NFIL3: variants seen among roughly 807,000 people sequenced by gnomAD.
NFIL3 encodes the protein nuclear factor, interleukin 3 regulated.
A neutral mutation model predicts 10.0 loss-of-function variants in NFIL3; 5 were observed. The observed-to-expected ratio is 0.50, with a 90% CI of 0.26 to 1.06. The LOEUF (loss-of-function observed/expected upper bound fraction) is 1.06, where lower values mean the gene tolerates loss of function less well. Ranked by LOEUF, NFIL3 falls within the 50% of genes least tolerant of loss-of-function variation. The pLI is 0.13. For missense variants in NFIL3, 436 were observed against 547.6 expected (o/e 0.80, Z 2.03); for synonymous variants, 202 against 206.5 (o/e 0.98, Z 0.19).
the NFIL3 span, among the ~76,000 whole-genome samples, chr9:91,450,287 T>C: frequency 2.0e-5 from 3 of 152,104 alleles, no homozygotes; most frequent in Non-Finnish European, 2.9e-5. Context: ...CCTCAAGATA[T>C]AAAGTTAGGC....
the NFIL3 span, among the ~76,000 whole-genome samples, chr9:91,437,629 T>C: frequency 6.6e-6 from 1 of 152,218 alleles, no homozygotes; most frequent in African/African-American, 2.4e-5. Flanking sequence ...GTCTGTTACT[T>C]TGTGTCCTCT....
the NFIL3 span, among the ~76,000 whole-genome samples, chr9:91,464,069 T>C: frequency 6.6e-6 from 1 of 152,098 alleles, no homozygotes; most frequent in African/African-American, 2.4e-5. Flanking sequence ...AGACAACATA[T>C]AGTTTTCTTT....
At chr9:91,478,422 T>A in the NFIL3 span, among the ~76,000 whole-genome samples, 1 of 151,924 alleles carries the variant, frequency 6.6e-6, no homozygotes, top group Non-Finnish European at 1.5e-5. Flanking sequence ...CTGATATCCT[T>A]TCTTCTGCTT....
the NFIL3 span, among the ~76,000 whole-genome samples, chr9:91,474,029 TAGAG>T: frequency 9.2e-5 from 14 of 152,182 alleles, no homozygotes; most frequent in African/African-American, 2.9e-4. Context: ...TTTCTGACCT[TAGAG>T]GGAAAGCATC....
the NFIL3 span, among the ~76,000 whole-genome samples, chr9:91,429,600 C>T: frequency 6.6e-6 from 1 of 152,034 alleles, no homozygotes; most frequent in East Asian, 1.9e-4. Context: ...GAATGCTCTC[C>T]GTTTGGTAAA....
upstream of NFIL3, among the ~76,000 whole-genome samples, chr9:91,428,475 A>G (rs1001539976): frequency 7.2e-5 from 11 of 152,196 alleles, no homozygotes; most frequent in African/African-American, 4.8e-5. Flanking sequence ...CAGGAGTTCT[A>G]TTAGCATGCT....
chr9:91,463,858 A>G, the NFIL3 span, among the ~76,000 whole-genome samples: 3 of 152,116 alleles, frequency 2.0e-5, no homozygotes, highest in Admixed American at 6.6e-5. Context: ...ATACATATAC[A>G]TTTAAAATTG....
chr9:91,481,551 G>C, the NFIL3 span, among the ~76,000 whole-genome samples: 1 of 151,978 alleles, frequency 6.6e-6, no homozygotes, highest in Non-Finnish European at 1.5e-5. Context: ...CAATATTCGG[G>C]TTATTTCTAT....
chr9:91,453,458 T>A, the NFIL3 span, among the ~76,000 whole-genome samples: 1 of 152,108 alleles, frequency 6.6e-6, no homozygotes, highest in African/African-American at 2.4e-5. Flanking sequence ...TCTTATTAAA[T>A]GTAATGAATT....
In NFIL3 at chr9:91,423,564, G is replaced by GCGCC. The variant is rs904096094; in HGVS notation, c.-173+72_-173+75dup. 313 of 148,382 alleles carry GCGCC rather than the reference G, an allele frequency of 2.1e-3. 1 individual carries two copies. The highest frequency in any genetic ancestry group is 0.015 in the East Asian group (76 of 5,014). The allele number at this position is 148,382 out of a possible 1,614,324, so 9.2% of individuals were successfully genotyped here. A position where few individuals can be genotyped will look rare whatever the true frequency, so the allele number is the denominator to read the frequency against. ...CCGCACACAGCGCGGCCCGCACCCC[G>GCGCC]CGCCCGCCCGCCCGCCCGCAGCGCG... is the stretch of plus-strand genomic sequence containing the variant. On this transcript the variant is annotated intron_variant, in intron 1 of 1. Transcript: ENST00000297689.
At chr9:91,471,405 G>C in the NFIL3 span, among the ~76,000 whole-genome samples, 1 of 147,870 alleles carries the variant, frequency 6.8e-6, no homozygotes, top group Non-Finnish European at 1.5e-5. Flanking sequence ...GAGCCTATGT[G>C]TGTCTCTGCA....
chr9:91,473,798 G>A, the NFIL3 span, among the ~76,000 whole-genome samples: 7 of 152,182 alleles, frequency 4.6e-5, no homozygotes, highest in African/African-American at 1.7e-4. Flanking sequence ...CATCGATTAC[G>A]CTGGGAGCTG....
At chr9:91,464,700 C>T in the NFIL3 span, among the ~76,000 whole-genome samples, 2 of 152,062 alleles carry the variant, frequency 1.3e-5, no homozygotes, top group African/African-American at 4.8e-5. Flanking sequence ...GGCCAATTTG[C>T]TGGTGATAAA....
chr9:91,423,643 GT>G lies in NFIL3; in HGVS notation c.-177del, dbSNP rs1209988412. ...CGGCGGTGGGCGGAGCGCTTACCGTGTTCCTGCTCTCGGGCCGGCGAGGAGA... is the reference window on the plus strand; with the variant it reads ...CGGCGGTGGGCGGAGCGCTTACCGTGTCCTGCTCTCGGGCCGGCGAGGAGA... On this transcript the variant is annotated 5_prime_UTR_variant, in exon 1 of 2. Coordinates refer to ENST00000297689, the MANE Select transcript of NFIL3 (RefSeq NM_005384.3). 1 of 146,210 alleles carries G rather than the reference GT, an allele frequency of 6.8e-6. No homozygotes were observed. The highest frequency in any genetic ancestry group is 2.0e-4 in the East Asian group (1 of 4,982). 9.1% of individuals were successfully genotyped at this position (146,210 alleles called of 1,614,324 possible).
chr9:91,457,427 C>T, the NFIL3 span, among the ~76,000 whole-genome samples: 23 of 152,128 alleles, frequency 1.5e-4, no homozygotes, highest in African/African-American at 5.5e-4. Context: ...TCAGCAATAT[C>T]TTATAGTTTT....
At chr9:91,474,432 C>T in the NFIL3 span, among the ~76,000 whole-genome samples, 1 of 152,126 alleles carries the variant, frequency 6.6e-6, no homozygotes, top group African/African-American at 2.4e-5. Context: ...CACTAGTTCC[C>T]ATGAAGGCTG....
chr9:91,442,683 C>A, the NFIL3 span, among the ~76,000 whole-genome samples: 1 of 152,104 alleles, frequency 6.6e-6, no homozygotes. Context: ...GCAGCTGGAC[C>A]AGATGTACCA....
the NFIL3 span, among the ~76,000 whole-genome samples, chr9:91,443,548 G>C: frequency 3.3e-5 from 5 of 152,358 alleles, no homozygotes; most frequent in Admixed American, 3.3e-4. Flanking sequence ...GCGGCAGGGG[G>C]CTAACATGTC....
the NFIL3 span, among the ~76,000 whole-genome samples, chr9:91,446,479 T>G: frequency 6.6e-6 from 1 of 152,230 alleles, no homozygotes; most frequent in East Asian, 1.9e-4. Flanking sequence ...AAATCACCCC[T>G]AATTTTACCC....
Sources: allele counts gnomAD v4.1 joint callset (sites outside exome capture counted in the v4.1 genomes callset), GRCh38; gene constraint gnomAD v4.1.1; transcripts MANE v1.5; gene names NCBI Gene and HGNC (gene_info 2026-07-23, HGNC 2026-07-21).